Variants in NLRC3 observed in about 807,000 individuals in gnomAD.
The protein encoded by NLRC3 is NLR family CARD domain-containing protein 3.
In NLRC3, 87 loss-of-function variants were observed where a neutral mutation model predicts 91.6. The ratio of observed to expected loss-of-function variants is 0.95; its 90% CI spans 0.80 to 1.14. NLRC3 has a LOEUF of 1.14. Ranked by LOEUF, NLRC3 falls within the 50% of genes most tolerant of loss-of-function variation. The pLI is 0.00. For synonymous variants in NLRC3, 694 were observed against 625.3 expected, an observed-to-expected ratio of 1.11 and a Z score of -1.64; for missense variants, 1,577 against 1,418.6, an observed-to-expected ratio of 1.11 and a Z score of -1.79.
intron 8 of NLRC3, among the ~76,000 whole-genome samples, chr16:3,555,122 C>T (rs149797750): frequency 6.0e-5 from 9 of 150,358 alleles, no homozygotes; most frequent in Admixed American, 2.7e-4. Context: ...CCCAGCTACT[C>T]GGGAGGCTGA....
intron 6 of NLRC3, among the ~76,000 whole-genome samples, chr16:3,559,219 T>C (rs1325110998): frequency 6.6e-6 from 1 of 152,206 alleles, no homozygotes; most frequent in Admixed American, 6.5e-5. Context: ...CTTCCATCCC[T>C]CTGGGACTTT....
chr16:3,543,206 G>A (rs1004096573), intron 17 of NLRC3: 9 of 546,486 alleles, frequency 1.6e-5, no homozygotes, highest in East Asian at 3.3e-5. Context: ...GCCTCTAGAC[G>A]TGTTCAGCCT....
At position 3,556,994 on chromosome 16, in the gene NLRC3, G is replaced by A; in HGVS notation, c.2100C>T (p.Asp700=). ...LLVNRSLTSL[D]LRGNSIGPQG... ...GTGGTCCAATGGAGTTACCGCGGAG[G>A]CTGAAGGAAGAGAGAAAGAGACACC... The change falls in exon 8 of 20, where the codon GAC becomes GAT. Residue 700 remains aspartate (D), a splice_region_variant and synonymous_variant. Transcript: ENST00000359128. 1 of 1,610,854 alleles carries A rather than the reference G, an allele frequency of 6.2e-7. No homozygotes were observed.
At chr16:3,568,769 G>T (rs1266736372) in intron 1 of NLRC3, among the ~76,000 whole-genome samples, 2 of 152,128 alleles carry the variant, frequency 1.3e-5, no homozygotes, top group Non-Finnish European at 2.9e-5. Flanking sequence ...ATTGCCTCAT[G>T]TGTATGGGTC....
At chr16:3,547,332 A>G (rs1421395438) in intron 15 of NLRC3, among the ~76,000 whole-genome samples, 2 of 152,214 alleles carry the variant, frequency 1.3e-5, no homozygotes, top group Non-Finnish European at 1.5e-5. Context: ...TTGGCCACGT[A>G]TCGCACAATT....
Position 3,556,926 on chromosome 16 carries a change from G to A in NLRC3, c.2168C>T (p.Thr723Ile). Residue 723 changes from threonine to isoleucine, a missense_variant, in exon 8 of 20, where the codon ACC becomes ATC. By Grantham distance (89) the Thr-to-Ile change is moderately conservative. Transcript: ENST00000359128. ...TGACACACACCTCAGGGAGGTCAGG[G>A]TGCGGTTGATCTTCAAAGCGTCTGC... The part of the protein sequence containing the change: ...ALADALKINR[T>I]LTSLSLQGNT... 3.7e-6 allele frequency: 6 copies of A among 1,612,954 alleles called. No individual in the cohort carries two copies. The highest frequency in any genetic ancestry group is 1.1e-5 in the South Asian group (1 of 91,018).
At chr16:3,552,315 T>G (rs770114754) in intron 9 of NLRC3, 36 bp from the exon 10 acceptor site, 3 of 1,477,836 alleles carry the variant, frequency 2.0e-6, no homozygotes, top group Non-Finnish European at 2.8e-6. Context: ...TTAGAAAGGC[T>G]GGTCACAGCC....
At position 3,542,961 on chromosome 16, in the gene NLRC3, CAG is replaced by C. The variant is rs1027900027; in HGVS notation, c.2940-188_2940-187del. 7.4e-5 allele frequency: 43 copies of C among 582,116 alleles called. 1 individual carries two copies. Among genetic ancestry groups the C allele is most frequent in the Middle Eastern group, 9.0e-4 (2 of 2,220 alleles). The allele number at this position is 582,116 out of a possible 1,614,324, so 36.1% of individuals were successfully genotyped here. On this transcript the variant is annotated intron_variant, in intron 17 of 19. Transcript: ENST00000359128. Reference sequence around the variant, plus strand: ...AGCTGGCTCTGGGAAGCAGGGCACACAGGGGCATGGCTGGCCTAGCCAGGAGG... The same window carrying C: ...AGCTGGCTCTGGGAAGCAGGGCACACGGGCATGGCTGGCCTAGCCAGGAGG...
intron 10 of NLRC3, among the ~76,000 whole-genome samples, chr16:3,551,103 A>T (rs1022046518): frequency 1.3e-5 from 2 of 151,112 alleles, no homozygotes; most frequent in African/African-American, 4.9e-5. Context: ...CTGTCCATCC[A>T]CTCATCCACC....
intron 1 of NLRC3, among the ~76,000 whole-genome samples, chr16:3,567,778 A>AAG (rs2039941557): frequency 6.6e-6 from 1 of 150,434 alleles, no homozygotes; most frequent in Admixed American, 6.6e-5. Flanking sequence ...TCTCAAAAAA[A>AAG]AAAAAAAAAA....
chr16:3,564,189 T>TG lies in NLRC3; in HGVS notation c.747dup (p.Thr250HisfsTer41). On this transcript the variant is annotated frameshift_variant, in exon 5 of 20. Transcript: ENST00000359128. LOFTEE classifies it high-confidence loss of function. The surrounding 1 kb of genome is among the most constrained non-coding windows in gnomAD (Gnocchi z 5.9). Reference sequence around the variant, plus strand: ...AAGAGGTTGCCACGGATGATGTTGGTGATCAGGTGGTCCACCGGGATCTCC... The same window carrying TG: ...AAGAGGTTGCCACGGATGATGTTGGTGGATCAGGTGGTCCACCGGGATCTCC... 6.2e-7 allele frequency: 1 copy of TG among 1,613,516 alleles called. No individual in the cohort carries two copies. Among genetic ancestry groups the TG allele is most frequent in the Non-Finnish European group, 8.5e-7 (1 of 1,179,882 alleles).
In NLRC3 at chr16:3,544,155, T is replaced by C. The variant is rs1241169487; in HGVS notation, c.2855+91A>G. 3 of 765,928 alleles carry C rather than the reference T, an allele frequency of 3.9e-6. No homozygotes were observed. The African/African-American group carries it at 5.7e-5, about 14-fold the overall frequency. 47.4% of individuals were successfully genotyped at this position (765,928 alleles called of 1,614,324 possible). ...CCTGGGTGGCAGAGCAAGACTCTTG[T>C]CTCGAGGAAAAAAAAAAAAAAAAAG... On this transcript the variant is annotated intron_variant, in intron 16 of 19. Coordinates refer to ENST00000359128, the MANE Select transcript of NLRC3 (RefSeq NM_178844.4).
intron 1 of NLRC3, among the ~76,000 whole-genome samples, chr16:3,572,737 G>T (rs1221218299): frequency 6.6e-6 from 1 of 152,126 alleles, no homozygotes; most frequent in East Asian, 1.9e-4. Context: ...TGTGGGCCAG[G>T]CGCGGTGACT....
intron 9 of NLRC3, among the ~76,000 whole-genome samples, chr16:3,553,908 A>ATTT (rs761837100): frequency 7.7e-6 from 1 of 130,400 alleles, no homozygotes; most frequent in African/African-American, 2.8e-5. Flanking sequence ...TGCCTGGTTA[A>ATTT]TTTTTTTTTT....
In NLRC3 at chr16:3,540,441, A is replaced by C. The variant is rs2038350529; in HGVS notation, c.*1384T>G. The stretch of plus-strand genomic sequence containing the variant: ...AAACAGCTGCAGGAATTGGTGCCAC[A>C]TAGAGGCTCAGCTTGCCTGTCTCCA... On this transcript the variant is annotated 3_prime_UTR_variant, in exon 20 of 20. Coordinates refer to ENST00000359128, the MANE Select transcript of NLRC3 (RefSeq NM_178844.4). 1 of 152,212 alleles carries C rather than the reference A, an allele frequency of 6.6e-6. No individual in the cohort carries two copies. The highest frequency in any genetic ancestry group is 2.4e-5 in the African/African-American group (1 of 41,452). The allele number at this position is 152,212 out of a possible 1,614,324, so 9.4% of individuals were successfully genotyped here.
At chr16:3,575,398 C>T (rs564271697) in intron 1 of NLRC3, among the ~76,000 whole-genome samples, 2 of 152,328 alleles carry the variant, frequency 1.3e-5, no homozygotes, top group Admixed American at 6.5e-5. Context: ...GATGGTCAGG[C>T]GGCCCCTGTG....
chr16:3,539,390 C>A lies in NLRC3; in HGVS notation c.*2435G>T, dbSNP rs2038313581. On this transcript the variant is annotated 3_prime_UTR_variant, in exon 20 of 20. Transcript: ENST00000359128. ...CTCTGATGGGGTCTGTGTGGGCTAG[C>A]TGGCTCTGGTGTGTGCCTGACGACA... is the stretch of plus-strand genomic sequence containing the variant. The A allele has an allele frequency of 6.6e-6, 1 of 152,354 alleles. No individual in the cohort carries two copies. Among genetic ancestry groups the A allele is most frequent in the African/African-American group, 2.4e-5 (1 of 41,464 alleles). 9.4% of individuals were successfully genotyped at this position (152,354 alleles called of 1,614,324 possible).
At chr16:3,569,238 C>G (rs1243372425) in intron 1 of NLRC3, among the ~76,000 whole-genome samples, 2 of 149,076 alleles carry the variant, frequency 1.3e-5, no homozygotes, top group African/African-American at 5.0e-5. Context: ...CGCTTGAACC[C>G]GAGAGGAGGA....
At chr16:3,577,004 C>T in intron 1 of NLRC3, 145 bp downstream of exon 1, 1 of 666,470 alleles carries the variant, frequency 1.5e-6, no homozygotes, top group East Asian at 2.7e-5. Context: ...GCCAGTCCTG[C>T]CCCAGGAGAC....
Sources: gnomAD v4.1 joint callset for allele counts (sites outside exome capture counted in the v4.1 genomes callset) on GRCh38, gnomAD v4.1.1 for gene constraint, Gnocchi (gnomAD v3.1) non-coding constraint, MANE v1.5 for transcripts, NCBI Gene and HGNC (gene_info 2026-07-23, HGNC 2026-07-21) for gene names.